Variants in CDH23 observed in about 807,000 individuals in gnomAD.
CDH23 encodes the protein cadherin related 23, also known as cadherin-23.
A neutral mutation model predicts 317.1 loss-of-function variants in CDH23; 189 were observed. That is an observed-to-expected ratio of 0.60 (90% CI 0.53 to 0.67). CDH23 has a LOEUF of 0.67. Ranked by LOEUF, CDH23 falls within the 30% of genes least tolerant of loss-of-function variation. CDH23 has a pLI of 0.00. For synonymous variants in CDH23, 1,839 were observed against 1,876.8 expected (o/e 0.98, Z 0.52); for missense variants, 4,401 against 4,592.4 (o/e 0.96, Z 1.20).
Position 71,709,199 on chromosome 10 carries a change from C to T in CDH23, c.3208C>T (p.Leu1070=), listed in dbSNP as rs753627576. ...GACCACAGCCGCCTACATGCTCATC[C>T]TGGAGGCCATCGGTATGCACCAGTC... ...RETTAAYMLI[L]EAIDNGPVGK... is the part of the protein sequence containing the mutation. Residue 1070 remains leucine, a synonymous_variant, in exon 27 of 70, where the codon CTG becomes TTG. Coordinates refer to ENST00000224721, the MANE Select transcript of CDH23 (RefSeq NM_022124.6). 2 of 1,613,680 alleles carry T rather than the reference C, an allele frequency of 1.2e-6. No individual in the cohort carries two copies. The highest frequency in any genetic ancestry group is 1.7e-6 in the Non-Finnish European group (2 of 1,179,728).
At chr10:71,567,616 G>A (rs576136855) in intron 7 of CDH23, among the ~76,000 whole-genome samples, 1 of 152,244 alleles carries the variant, frequency 6.6e-6, no homozygotes, top group Non-Finnish European at 1.5e-5. Flanking sequence ...TCAGTCCAGT[G>A]CCCTGACCAC....
At chr10:71,400,397 G>A (rs1484801956) in intron 1 of CDH23, among the ~76,000 whole-genome samples, 2 of 150,872 alleles carry the variant, frequency 1.3e-5, no homozygotes, top group African/African-American at 5.0e-5. Context: ...GCTCTGCCAG[G>A]GGACAAGGTG....
Position 71,778,328 on chromosome 10 carries a change from C to A in CDH23, c.5187+20C>A. 6.2e-7 allele frequency: 1 copy of A among 1,613,666 alleles called. No homozygotes were observed. Among genetic ancestry groups the A allele is most frequent in the Non-Finnish European group, 8.5e-7 (1 of 1,179,744 alleles). ...ACCACGGTGGGTGCATGGGACACAG[C>A]CCCAACTTGGGCTTGGAGGTTGGCG... On this transcript the variant is annotated intron_variant, in intron 40 of 69. Coordinates refer to ENST00000224721, the MANE Select transcript of CDH23 (RefSeq NM_022124.6).
chr10:71,690,340 G>GCTGGTCA, intron 19 of CDH23, 128 bp from the exon 20 acceptor site: 1 of 614,368 alleles, frequency 1.6e-6, no homozygotes, highest in East Asian at 2.9e-5. Context: ...CTCCCTGAGA[G>GCTGGTCA]CTGGTCACTG....
Position 71,702,041 on chromosome 10 carries a change from AC to A in CDH23, c.2419del (p.Leu807TrpfsTer46). 1.2e-6 allele frequency: 2 copies of A among 1,613,588 alleles called. No homozygotes were observed. Among genetic ancestry groups the A allele is most frequent in the Non-Finnish European group, 1.7e-6 (2 of 1,179,846 alleles). On this transcript the variant is annotated frameshift_variant, in exon 23 of 70. Coordinates refer to ENST00000224721, the MANE Select transcript of CDH23 (RefSeq NM_022124.6). LOFTEE classifies it high-confidence loss of function. ...DVTTVVAVDP[D>X]LGENGTLVYS... Reference sequence around the variant, plus strand: ...GGGCAGGTGGTGGCTGTTGACCCAGACCTGGGGGAGAATGGCACCCTGGTGT... The same window carrying A: ...GGGCAGGTGGTGGCTGTTGACCCAGACTGGGGGAGAATGGCACCCTGGTGT...
intron 1 of CDH23, among the ~76,000 whole-genome samples, chr10:71,431,221 T>G (rs1300571674): frequency 6.6e-6 from 1 of 152,190 alleles, no homozygotes; most frequent in Non-Finnish European, 1.5e-5. Context: ...TAAGAGTCGG[T>G]GAGGGGAACT....
At chr10:71,639,505 C>T (rs1293147093) in intron 11 of CDH23, among the ~76,000 whole-genome samples, 1 of 152,212 alleles carries the variant, frequency 6.6e-6, no homozygotes, top group African/African-American at 2.4e-5. Context: ...CAGCTCCTGG[C>T]ATCGCACTTG....
intron 6 of CDH23, among the ~76,000 whole-genome samples, chr10:71,525,349 G>A (rs924634886): frequency 3.3e-5 from 5 of 152,192 alleles, no homozygotes; most frequent in African/African-American, 1.2e-4. Context: ...AAGGTGCTTT[G>A]GAGGCAGAGC....
chr10:71,746,617 G>C (rs1246767384), intron 38 of CDH23, among the ~76,000 whole-genome samples: 1 of 152,228 alleles, frequency 6.6e-6, no homozygotes, highest in African/African-American at 2.4e-5. Flanking sequence ...CAAAGGAAGA[G>C]CTGGGCCCAG....
At chr10:71,790,596 C>T (rs1841222711) in intron 46 of CDH23, among the ~76,000 whole-genome samples, 183 bp downstream of exon 46, 1 of 152,110 alleles carries the variant, frequency 6.6e-6, no homozygotes, top group African/African-American at 2.4e-5. Context: ...GGCAGGGGGA[C>T]GTGGGAAGAG....
At chr10:71,613,297 C>A (rs1861011393) in intron 9 of CDH23, among the ~76,000 whole-genome samples, 2 of 152,232 alleles carry the variant, frequency 1.3e-5, no homozygotes, top group East Asian at 3.8e-4. Flanking sequence ...CCTGTCCCCC[C>A]AACTCCCCAC....
At chr10:71,814,383 C>G (rs1166185070) in intron 69 of CDH23, among the ~76,000 whole-genome samples, 2 of 152,194 alleles carry the variant, frequency 1.3e-5, no homozygotes, top group African/African-American at 4.8e-5. Context: ...TTGCTGCATT[C>G]CAGCCTGGGC....
At chr10:71,540,226 T>G (rs1354047614) in intron 6 of CDH23, among the ~76,000 whole-genome samples, 1 of 152,196 alleles carries the variant, frequency 6.6e-6, no homozygotes, top group African/African-American at 2.4e-5. Context: ...ACAATCCTCC[T>G]GGGTCTGCAC....
At position 71,706,882 on chromosome 10, in the gene CDH23, C is replaced by T. The variant is rs376377077; in HGVS notation, c.2954-15C>T. 371 of 1,583,470 alleles carry T rather than the reference C, an allele frequency of 2.3e-4. No individual in the cohort carries two copies. In the African/African-American group the frequency reaches 3.9e-3, roughly 17 times the overall value. On this transcript the variant is annotated splice_polypyrimidine_tract_variant and intron_variant, in intron 25 of 69. Coordinates refer to ENST00000224721, the MANE Select transcript of CDH23 (RefSeq NM_022124.6). ...AGAAGCCAGGCCTAGCCCCGGCGCC[C>T]GTTCTGCCCCGCAGTGCTGGATGTG...
chr10:71,498,223 G>A (rs953511503), intron 3 of CDH23, among the ~76,000 whole-genome samples: 1 of 152,196 alleles, frequency 6.6e-6, no homozygotes, highest in Non-Finnish European at 1.5e-5. Context: ...TCTAGGCCCG[G>A]CTGATTCTCT....
chr10:71,687,520 A>G (rs1864955795), intron 18 of CDH23, 127 bp from the exon 19 acceptor site: 1 of 784,536 alleles, frequency 1.3e-6, no homozygotes, highest in East Asian at 2.6e-5. Context: ...GGCTCTGGTT[A>G]TACGGAGAGG....
Position 71,515,388 on chromosome 10 carries a change from TCTCTCTCACA to T in CDH23, c.429+4178_429+4187del, listed in dbSNP as rs1429625574. Reference sequence around the variant, plus strand: ...CTCTCTCTCTCTCTCTCTCTCTCTCTCTCTCTCACACACACACACACACACACACACGCAC... The same window carrying T: ...CTCTCTCTCTCTCTCTCTCTCTCTCTCACACACACACACACACACACGCAC... On this transcript the variant is annotated intron_variant, in intron 6 of 69. Transcript: ENST00000224721. Among the ~76,000 whole-genome samples, 184 of 117,732 alleles carry T rather than the reference TCTCTCTCACA, an allele frequency of 1.6e-3. 1 individual carries two copies. Among genetic ancestry groups the T allele is most frequent in the African/African-American group, 5.5e-3 (130 of 23,850 alleles). 77.2% of individuals were successfully genotyped at this position (117,732 alleles called of 152,430 possible). A position where few individuals can be genotyped will look rare whatever the true frequency, so the allele number is the denominator to read the frequency against.
chr10:71,705,597 A>T (rs1394055309), intron 25 of CDH23, among the ~76,000 whole-genome samples: 1 of 152,184 alleles, frequency 6.6e-6, no homozygotes, highest in African/African-American at 2.4e-5. Flanking sequence ...CCCTGGGAAG[A>T]GAGCAGCTGG....
At chr10:71,632,532 G>A (rs370847847) in intron 11 of CDH23, among the ~76,000 whole-genome samples, 7 of 152,326 alleles carry the variant, frequency 4.6e-5, no homozygotes, top group Non-Finnish European at 1.5e-5. Flanking sequence ...CTGCTTAGAT[G>A]TGGGGTCTAT....
Sources: allele counts gnomAD v4.1 joint callset (sites outside exome capture counted in the v4.1 genomes callset), GRCh38; gene constraint gnomAD v4.1.1; transcripts MANE v1.5; gene names NCBI Gene and HGNC (gene_info 2026-07-23, HGNC 2026-07-21).